The following FOXN3 variants were observed in gnomAD, a reference collection of about 807,000 sequenced individuals.
The protein encoded by FOXN3 is forkhead box protein N3.
FOXN3 carries 7 observed loss-of-function variants against 38.4 expected under a neutral mutation model. That is an observed-to-expected ratio of 0.18 (90% CI 0.10 to 0.34). FOXN3 has a LOEUF of 0.34. Ranked by LOEUF, FOXN3 falls within the 10% of genes least tolerant of loss-of-function variation. FOXN3 has a pLI of 1.00. For synonymous variants in FOXN3, 230 were observed against 242.2 expected (o/e 0.95, Z 0.47); for missense variants, 456 against 613.4 (o/e 0.74, Z 2.71).
At chr14:89,223,594 C>A (rs945359069) in intron 4 of FOXN3, among the ~76,000 whole-genome samples, 1 of 152,204 alleles carries the variant, frequency 6.6e-6, no homozygotes, top group Non-Finnish European at 1.5e-5. Context: ...TTGCCAGAAG[C>A]CCCTGGTAGG....
intron 3 of FOXN3, chr14:89,290,844 G>T: frequency 3.6e-6 from 1 of 281,098 alleles, no homozygotes; most frequent in South Asian, 3.6e-5. Flanking sequence ...AAATAAAGCT[G>T]AGCATGAAGG....
chr14:89,323,301 A>AAAAGAAAGAAAGAAAG (rs1555417897), intron 3 of FOXN3, among the ~76,000 whole-genome samples: 14 of 142,974 alleles, frequency 9.8e-5, no homozygotes, highest in African/African-American at 3.1e-4. Flanking sequence ...AAAAAAAAAA[A>AAAAGAAAGAAAGAAAG]AAAGAAAGAA....
chr14:89,520,763 A>T (rs554393462), intron 1 of FOXN3, among the ~76,000 whole-genome samples: 1 of 152,332 alleles, frequency 6.6e-6, no homozygotes, highest in African/African-American at 2.4e-5. Flanking sequence ...GTAACTAGAC[A>T]TATAAAGAAA....
intron 2 of FOXN3, among the ~76,000 whole-genome samples, chr14:89,387,692 A>G (rs1018745472): frequency 1.3e-5 from 2 of 152,260 alleles, no homozygotes; most frequent in Non-Finnish European, 2.9e-5. Context: ...GATCAGGAGT[A>G]GATTCCATTA....
At chr14:89,511,125 T>C (rs1894048190) in intron 1 of FOXN3, among the ~76,000 whole-genome samples, 2 of 38,886 alleles carry the variant, frequency 5.1e-5, no homozygotes, top group Admixed American at 3.8e-4. Flanking sequence ...GCTTGGTGTC[T>C]TTCTTTCTTT....
At chr14:89,552,226 GTT>G (rs1895018917) in intron 1 of FOXN3, among the ~76,000 whole-genome samples, 1 of 152,216 alleles carries the variant, frequency 6.6e-6, no homozygotes, top group Admixed American at 6.5e-5. Flanking sequence ...GTGTTCAGTT[GTT>G]TTGTGAAGGA....
chr14:89,210,476 C>G (rs992543744), intron 4 of FOXN3, among the ~76,000 whole-genome samples: 1 of 152,164 alleles, frequency 6.6e-6, no homozygotes, highest in Non-Finnish European at 1.5e-5. Context: ...TATTTCTTTA[C>G]AGCAATGCGA....
At chr14:89,606,960 C>T (rs1048240440) in intron 1 of FOXN3, among the ~76,000 whole-genome samples, 1 of 152,104 alleles carries the variant, frequency 6.6e-6, no homozygotes, top group African/African-American at 2.4e-5. Flanking sequence ...ACAGGCACTT[C>T]GTAAATGAAG....
chr14:89,608,007 C>T (rs564352540), intron 1 of FOXN3, among the ~76,000 whole-genome samples: 18 of 144,760 alleles, frequency 1.2e-4, no homozygotes, highest in African/African-American at 4.3e-4. Flanking sequence ...GAGACAGAGT[C>T]TCGCTCTGTC....
intron 1 of FOXN3, among the ~76,000 whole-genome samples, chr14:89,427,608 G>A (rs772616208): frequency 2.0e-5 from 3 of 151,320 alleles, no homozygotes; most frequent in Admixed American, 6.6e-5. Flanking sequence ...GTGAGCCACC[G>A]TGCCCGGCCA....
At chr14:89,243,700 T>C (rs1413770650) in intron 4 of FOXN3, among the ~76,000 whole-genome samples, 2 of 152,148 alleles carry the variant, frequency 1.3e-5, no homozygotes, top group South Asian at 2.1e-4. Context: ...TGGAATACAA[T>C]TGAAGTAGCA....
chr14:89,272,856 A>T (rs1340416029), intron 4 of FOXN3, among the ~76,000 whole-genome samples: 2 of 152,244 alleles, frequency 1.3e-5, no homozygotes, highest in African/African-American at 4.8e-5. Flanking sequence ...CTGTCTCAAA[A>T]AAAAATTAAA....
chr14:89,415,451 C>A (rs768736977), intron 1 of FOXN3, among the ~76,000 whole-genome samples: 4 of 151,932 alleles, frequency 2.6e-5, no homozygotes, highest in Non-Finnish European at 4.4e-5. Context: ...TATGGGAGTT[C>A]AGTACCCTTG....
At chr14:89,607,914 T>C (rs1381241423) in intron 1 of FOXN3, among the ~76,000 whole-genome samples, 1 of 151,966 alleles carries the variant, frequency 6.6e-6, no homozygotes, top group Non-Finnish European at 1.5e-5. Flanking sequence ...CCTCCCGGGT[T>C]CAAGCGATTC....
chr14:89,291,080 TA>T, intron 3 of FOXN3: 1 of 504,934 alleles, frequency 2.0e-6, no homozygotes, highest in Non-Finnish European at 4.0e-6. Context: ...CCACACGGTG[TA>T]AATCATGTTT....
At chr14:89,308,333 C>T (rs989607005) in intron 3 of FOXN3, among the ~76,000 whole-genome samples, 2 of 152,204 alleles carry the variant, frequency 1.3e-5, no homozygotes, top group Non-Finnish European at 2.9e-5. Context: ...GTCCCTAATC[C>T]TGCAGGATGG....
At chr14:89,525,205 G>A (rs921985402) in intron 1 of FOXN3, among the ~76,000 whole-genome samples, 4 of 152,156 alleles carry the variant, frequency 2.6e-5, no homozygotes, top group African/African-American at 9.7e-5. Context: ...GGGTGAGACA[G>A]GCGGTCAGCA....
intron 1 of FOXN3, among the ~76,000 whole-genome samples, chr14:89,460,669 T>C (rs1217917097): frequency 1.3e-5 from 2 of 149,880 alleles, no homozygotes; most frequent in African/African-American, 5.0e-5. Flanking sequence ...ATCAATCAAT[T>C]ATTCTACAAG....
chr14:89,547,151 G>C (rs1307926165), intron 1 of FOXN3, among the ~76,000 whole-genome samples: 1 of 152,202 alleles, frequency 6.6e-6, no homozygotes, highest in Non-Finnish European at 1.5e-5. Context: ...TCAGATTGCT[G>C]ATGGGAATGT....
Sources: gnomAD v4.1 joint callset for allele counts (sites outside exome capture counted in the v4.1 genomes callset) on GRCh38, gnomAD v4.1.1 for gene constraint, MANE v1.5 for transcripts, NCBI Gene and HGNC (gene_info 2026-07-23, HGNC 2026-07-21) for gene names.